TBC1D30: variants seen among roughly 807,000 people sequenced by gnomAD.
TBC1D30 encodes the protein TBC1 domain family, member 30.
In TBC1D30, 31 loss-of-function variants were observed where a neutral mutation model predicts 63.2. The ratio of observed to expected loss-of-function variants is 0.49; its 90% confidence interval spans 0.37 to 0.66. The LOEUF is 0.66. Among genes scored for constraint, TBC1D30 ranks in the 30% least tolerant of loss-of-function variants. TBC1D30 has a pLI of 0.00. For synonymous variants in TBC1D30, 307 were observed against 361.5 expected (o/e 0.85, Z 1.71); for missense variants, 810 against 953.6 (o/e 0.85, Z 1.98).
intron 2 of TBC1D30, among the ~76,000 whole-genome samples, chr12:64,812,226 T>A (rs1466305845): frequency 2.0e-5 from 3 of 152,176 alleles, no homozygotes; most frequent in African/African-American, 7.2e-5. Context: ...AATTACCCTA[T>A]TGATATATGC....
intron 10 of TBC1D30, among the ~76,000 whole-genome samples, chr12:64,867,425 G>A (rs1026903507): frequency 4.0e-5 from 6 of 150,324 alleles, no homozygotes; most frequent in African/African-American, 7.4e-5. Context: ...ATGCCACTGC[G>A]CTCCAGTCTG....
At chr12:64,765,471 G>A (rs376049028) in intron 1 of TBC1D30, among the ~76,000 whole-genome samples, 87 of 96,082 alleles carry the variant, frequency 9.1e-4, no homozygotes, top group African/African-American at 3.5e-3. Flanking sequence ...TAGCCTGGGC[G>A]ACAGAGCAAG....
intron 2 of TBC1D30, among the ~76,000 whole-genome samples, chr12:64,799,884 A>G (rs1872503462): frequency 1.3e-5 from 2 of 152,162 alleles, no homozygotes; most frequent in South Asian, 2.1e-4. Flanking sequence ...AGGTGGGCAA[A>G]TGACGAGGTC....
At chr12:64,794,630 C>A (rs1311677809) in intron 2 of TBC1D30, among the ~76,000 whole-genome samples, 1 of 152,008 alleles carries the variant, frequency 6.6e-6, no homozygotes, top group Non-Finnish European at 1.5e-5. Flanking sequence ...GATGGGGTTT[C>A]AACCACATTG....
chr12:64,785,517 C>A (rs1391039996), intron 1 of TBC1D30, among the ~76,000 whole-genome samples: 1 of 151,004 alleles, frequency 6.6e-6, no homozygotes, highest in African/African-American at 2.4e-5. Flanking sequence ...AAAAAAGATT[C>A]TTTTCTAGCA....
At position 64,759,642 on chromosome 12, in the gene TBC1D30, C is replaced by T. The variant is rs141817911; in HGVS notation, c.-383C>T. On this transcript the variant is annotated 5_prime_UTR_variant, in exon 1 of 14. Transcript: ENST00000674237. Reference sequence around the variant, plus strand: ...AAAGGGCGGAGAACCGGGAAAAGGTCAAGACCTGTACGTACCTCTCGCGCA... The same window carrying T: ...AAAGGGCGGAGAACCGGGAAAAGGTTAAGACCTGTACGTACCTCTCGCGCA... 5.6e-4 allele frequency: 168 copies of T among 300,334 alleles called. 1 individual carries two copies. The highest frequency in any genetic ancestry group is 3.4e-3 in the African/African-American group (153 of 45,150). 18.6% of individuals were successfully genotyped at this position (300,334 alleles called of 1,614,324 possible).
intron 2 of TBC1D30, among the ~76,000 whole-genome samples, chr12:64,800,647 G>C (rs1383450348): frequency 6.6e-6 from 1 of 152,080 alleles, no homozygotes; most frequent in Non-Finnish European, 1.5e-5. Context: ...TAGACTGCGA[G>C]GGAAGGGAGT....
intron 8 of TBC1D30, among the ~76,000 whole-genome samples, chr12:64,862,666 T>C (rs1877889526): frequency 6.6e-6 from 1 of 152,242 alleles, no homozygotes; most frequent in Non-Finnish European, 1.5e-5. Flanking sequence ...CTCATCATCC[T>C]ACTTATTGTC....
rs546884757 is a variant in TBC1D30 at position 64,827,872 on chromosome 12, T to G, written c.192T>G (p.Ser64=). The change falls in exon 2 of 12, where the codon TCT becomes TCG. Residue 64 remains serine (S), a synonymous_variant. Transcript: ENST00000539867. ...AGTTGAAATTCACTCTTGAGCCATC[T>G]TTAGGTCAAAATGGTTTTCAGCAGG... ...DTKLKFTLEP[S]LGQNGFQQWY... The G allele has an allele frequency of 1.0e-4, 159 of 1,535,092 alleles. 4 individuals carry two copies. The South Asian group carries it at 1.7e-3, about 17-fold the overall frequency.
At chr12:64,838,928 C>T in intron 7 of TBC1D30, 77 bp downstream of exon 7, 1 of 1,311,628 alleles carries the variant, frequency 7.6e-7, no homozygotes, top group Non-Finnish European at 1.0e-6. Context: ...ACGTGTAAAG[C>T]AATATTTAAG....
At chr12:64,849,685 A>G (rs181876035) in intron 8 of TBC1D30, among the ~76,000 whole-genome samples, 12 of 152,244 alleles carry the variant, frequency 7.9e-5, no homozygotes, top group African/African-American at 1.9e-4. Context: ...GCCTTGTAGT[A>G]TAGTTTGAAG....
intron 7 of TBC1D30, among the ~76,000 whole-genome samples, chr12:64,840,450 C>T (rs1483947347): frequency 1.3e-5 from 2 of 152,182 alleles, no homozygotes; most frequent in Non-Finnish European, 2.9e-5. Flanking sequence ...TCTGTAGGAT[C>T]AGAATTTATT....
upstream of TBC1D30, among the ~76,000 whole-genome samples, chr12:64,778,425 C>A (rs1871141890): frequency 6.6e-6 from 1 of 151,120 alleles, no homozygotes; most frequent in Non-Finnish European, 1.5e-5. Flanking sequence ...AGATTATATA[C>A]TGTAGTATGT....
At chr12:64,810,228 T>TGCTTC (rs1225774401) in intron 2 of TBC1D30, among the ~76,000 whole-genome samples, 1 of 152,216 alleles carries the variant, frequency 6.6e-6, no homozygotes. Flanking sequence ...GGGAGGGATT[T>TGCTTC]GCTTCATACG....
chr12:64,867,717 C>G (rs1878341011), intron 10 of TBC1D30, among the ~76,000 whole-genome samples: 1 of 152,016 alleles, frequency 6.6e-6, no homozygotes, highest in African/African-American at 2.4e-5. Context: ...ATAGGATTAC[C>G]CTTTAAATCA....
At position 64,827,856 on chromosome 12, in the gene TBC1D30, T is replaced by A; in HGVS notation, c.176T>A (p.Phe59Tyr). The change falls in exon 2 of 12, where the codon TTC (phenylalanine) becomes TAC (tyrosine). Residue 59 changes from phenylalanine to tyrosine, a missense_variant. Physicochemically the swap from Phe to Tyr is conservative, Grantham distance 22. Transcript: ENST00000539867. ...LEPGVDTKLK[F>Y]TLEPSLGQNG... Reference sequence around the variant, plus strand: ...TCAGGAGTTGATACCAAGTTGAAATTCACTCTTGAGCCATCTTTAGGTCAA... The same window carrying A: ...TCAGGAGTTGATACCAAGTTGAAATACACTCTTGAGCCATCTTTAGGTCAA... 1.3e-6 allele frequency: 2 copies of A among 1,534,546 alleles called. No homozygotes were observed. Among genetic ancestry groups the A allele is most frequent in the South Asian group, 1.2e-5 (1 of 83,574 alleles).
intron 2 of TBC1D30, among the ~76,000 whole-genome samples, chr12:64,818,949 ATACTT>A (rs1873719298): frequency 6.6e-6 from 1 of 152,196 alleles, no homozygotes; most frequent in Non-Finnish European, 1.5e-5. Flanking sequence ...AAGCAAGAAA[ATACTT>A]AACAGGAAAT....
chr12:64,769,741 C>CAA (rs1264822399), intron 1 of TBC1D30, among the ~76,000 whole-genome samples: 1 of 151,648 alleles, frequency 6.6e-6, no homozygotes, highest in Non-Finnish European at 1.5e-5. Flanking sequence ...AGGCTGGTCT[C>CAA]AAACTCCTGA....
At chr12:64,813,651 G>A (rs1487018785) in intron 2 of TBC1D30, among the ~76,000 whole-genome samples, 1 of 152,138 alleles carries the variant, frequency 6.6e-6, no homozygotes, top group Admixed American at 6.5e-5. Context: ...CACATGTTTT[G>A]GAAACTTGTC....
Sources: gnomAD v4.1 joint callset for allele counts (sites outside exome capture counted in the v4.1 genomes callset) on GRCh38, gnomAD v4.1.1 for gene constraint, MANE v1.5 for transcripts, NCBI Gene and HGNC (gene_info 2026-07-23, HGNC 2026-07-21) for gene names.